Variants in ZNF334 observed in about 807,000 individuals in gnomAD.
ZNF334 encodes zinc finger protein 334.
Under a neutral mutation model 12.4 loss-of-function variants are expected in ZNF334, and 14 were observed. The ratio of observed to expected loss-of-function variants is 1.13; its 90% CI spans 0.74 to 1.76. ZNF334 has a LOEUF of 1.76. Ranked by LOEUF, ZNF334 falls within the 40% of genes most tolerant of loss-of-function variation. ZNF334 has a pLI of 0.00. For synonymous variants in ZNF334, 273 were observed against 269.6 expected (o/e 1.01, Z -0.12); for missense variants, 797 against 804.5 (o/e 0.99, Z 0.11).
chr20:46,464,092 C>A, the ZNF334 span: 1 of 608,134 alleles, frequency 1.6e-6, no homozygotes. Context: ...GAAGTGGTTC[C>A]TTCACTGGGC....
chr20:46,467,875 T>A, the ZNF334 span, among the ~76,000 whole-genome samples: 10 of 152,246 alleles, frequency 6.6e-5, no homozygotes, highest in African/African-American at 2.2e-4. Flanking sequence ...AGTAACAATG[T>A]GTTCATCACA....
At position 46,502,073 on chromosome 20, in the gene ZNF334, C is replaced by T. The variant is rs139527133; in HGVS notation, c.1266G>A (p.Val422=). The change falls in exon 5 of 5, where the codon GTG becomes GTA. Residue 422 remains valine, a synonymous_variant. Coordinates refer to ENST00000692313, the MANE Select transcript of ZNF334 (RefSeq NM_001353824.2). ...TCTCTCCTGTATGACTTCTTCGATG[C>T]ACATTGAGGGCAGATTGACAAAAGA... ...KTFFCQSALN[V]HRRSHTGEKP... 1.2e-6 allele frequency: 2 copies of T among 1,614,150 alleles called. No homozygotes were observed. The highest frequency in any genetic ancestry group is 1.7e-5 in the Admixed American group (1 of 60,022).
Position 46,502,414 on chromosome 20 carries a change from T to C in ZNF334, c.925A>G (p.Ile309Val). 6.2e-7 allele frequency: 1 copy of C among 1,614,148 alleles called. No homozygotes were observed. The highest frequency in any genetic ancestry group is 8.5e-7 in the Non-Finnish European group (1 of 1,180,010). ...RKTFIDKSAL[I>V]VHQKIHGGEK... The stretch of plus-strand genomic sequence containing the variant: ...CCTCCATGAATTTTCTGGTGTACAA[T>C]AAGGGCAGATTTGTCAATGAAGGTT... Residue 309 changes from isoleucine (I) to valine (V), a missense_variant, in exon 5 of 5, where the codon ATT becomes GTT. By Grantham distance (29) the Ile-to-Val change is conservative (BLOSUM62 3). Transcript: ENST00000692313.
At chr20:46,510,757 CA>C (rs11475698) in intron 2 of ZNF334, among the ~76,000 whole-genome samples, 54,464 of 98,504 alleles carry the variant, frequency 0.55, 11,545 homozygotes, top group East Asian at 0.63. Context: ...GAGCCCATTT[CA>C]AAAAAAAAAA....
intron 2 of ZNF334, chr20:46,506,013 G>T (rs1295344410): frequency 4.7e-6 from 1 of 213,042 alleles, no homozygotes; most frequent in Non-Finnish European, 9.2e-6. Flanking sequence ...TATTTCACAT[G>T]ATCAGCTGGG....
the ZNF334 span, among the ~76,000 whole-genome samples, chr20:46,488,758 C>T: frequency 6.8e-6 from 1 of 146,594 alleles, no homozygotes; most frequent in Non-Finnish European, 1.5e-5. Flanking sequence ...TTTTGTTTGT[C>T]TTCATTTTTG....
chr20:46,503,096 G>C lies in ZNF334; in HGVS notation c.243C>G (p.Asp81Glu). The change falls in exon 5 of 5, where the codon GAC (aspartate) becomes GAG (glutamate). Residue 81 changes from aspartate (D) to glutamate (E), a missense_variant and splice_region_variant. Asp to Glu is a conservative substitution (Grantham distance 45). Coordinates refer to ENST00000692313, the MANE Select transcript of ZNF334 (RefSeq NM_001353824.2). ...TGTTCTTCTCTAAGGCATCATCAAT[G>C]TCTAGAAAAAGGAACACAATTAACG... ...VEEFSNQNYPDIDDALEKNKE... is the reference protein window; with the variant it reads ...VEEFSNQNYPEIDDALEKNKE... 6.3e-7 allele frequency: 1 copy of C among 1,585,028 alleles called. No individual in the cohort carries two copies. Among genetic ancestry groups the C allele is most frequent in the Non-Finnish European group, 8.6e-7 (1 of 1,167,650 alleles).
chr20:46,470,077 C>A, the ZNF334 span, among the ~76,000 whole-genome samples: 1 of 152,116 alleles, frequency 6.6e-6, no homozygotes, highest in Non-Finnish European at 1.5e-5. Flanking sequence ...ACAATACCCA[C>A]CTAATAAAAA....
At chr20:46,474,935 G>T in the ZNF334 span, among the ~76,000 whole-genome samples, 1 of 152,122 alleles carries the variant, frequency 6.6e-6, no homozygotes, top group South Asian at 2.1e-4. Flanking sequence ...AAGAGAAGAG[G>T]GGGTGAAGGG....
chr20:46,501,639 G>A lies in ZNF334; in HGVS notation c.1700C>T (p.Thr567Ile). ...ATTACACTCATAGGGTCTCTGTCCT[G>A]TGTGTGTTCTCTGATGGTGAGTCAG... is the stretch of plus-strand genomic sequence containing the variant. ...SALTHHQRTH[T>I]GQRPYECNEC... The change falls in exon 5 of 5, where the codon ACA becomes ATA. Residue 567 changes from threonine (T) to isoleucine (I), a missense_variant. By Grantham distance (89) the Thr-to-Ile change is moderately conservative. Transcript: ENST00000692313. 1 of 1,614,040 alleles carries A rather than the reference G, an allele frequency of 6.2e-7. No individual in the cohort carries two copies. The highest frequency in any genetic ancestry group is 8.5e-7 in the Non-Finnish European group (1 of 1,179,964).
At chr20:46,489,877 C>T in the ZNF334 span, among the ~76,000 whole-genome samples, 1 of 152,102 alleles carries the variant, frequency 6.6e-6, no homozygotes, top group Non-Finnish European at 1.5e-5. Context: ...TGCTGGTTCT[C>T]CATCTTATCA....
intron 2 of ZNF334, among the ~76,000 whole-genome samples, chr20:46,508,158 A>T (rs2061503064): frequency 6.6e-6 from 1 of 152,240 alleles, no homozygotes; most frequent in African/African-American, 2.4e-5. Flanking sequence ...ACTCAGGTCC[A>T]TTCTGCAAGC....
the ZNF334 span, chr20:46,485,462 G>A: frequency 1.3e-5 from 2 of 150,642 alleles, no homozygotes; most frequent in Non-Finnish European, 3.0e-5. Context: ...AGAAAATTCT[G>A]GAGAGAGACT....
chr20:46,496,879 A>G (rs1180600363), downstream of ZNF334: 5 of 152,112 alleles, frequency 3.3e-5, no homozygotes, highest in Non-Finnish European at 1.5e-5. Context: ...AGACAGTAAA[A>G]ACTGCCACAG....
the ZNF334 span, among the ~76,000 whole-genome samples, chr20:46,488,234 G>T: frequency 6.7e-6 from 1 of 148,704 alleles, no homozygotes. Context: ...ACCCTATTTT[G>T]GATTGATTTT....
Position 46,502,183 on chromosome 20 carries a change from AG to A in ZNF334, c.1155del (p.Phe386SerfsTer68), listed in dbSNP as rs750284440. 3 of 1,614,108 alleles carry A rather than the reference AG, an allele frequency of 1.9e-6. No homozygotes were observed. The highest frequency in any genetic ancestry group is 2.5e-6 in the Non-Finnish European group (3 of 1,180,008). On this transcript the variant is annotated frameshift_variant, in exon 5 of 5. Coordinates refer to ENST00000692313, the MANE Select transcript of ZNF334 (RefSeq NM_001353824.2). LOFTEE classifies it low-confidence loss of function (END_TRUNC). The part of the protein sequence containing the change: ...KPNECKECGK[T>X]FFCQSALTAH... Reference sequence around the variant, plus strand: ...GCAGTAAGGGCTGACTGACAGAAGAAGGTTTTCCCACATTCCTTACATTCAT... The same window carrying A: ...GCAGTAAGGGCTGACTGACAGAAGAAGTTTTCCCACATTCCTTACATTCAT...
the ZNF334 span, among the ~76,000 whole-genome samples, chr20:46,479,326 T>C: frequency 1.3e-5 from 2 of 152,126 alleles, no homozygotes; most frequent in South Asian, 2.1e-4. Flanking sequence ...CTCAGGATTC[T>C]GTAAGCCAAA....
At position 46,499,772 on chromosome 20, in the gene ZNF334, C is replaced by T. The variant is rs1282231509; in HGVS notation, c.*1524G>A. On this transcript the variant is annotated 3_prime_UTR_variant, in exon 5 of 5. Transcript: ENST00000692313. ...CAAGATCAGTATACACATACACATA[C>T]ATTTAAACATATGTATATACTTACA... 2 of 152,178 alleles carry T rather than the reference C, an allele frequency of 1.3e-5. No individual in the cohort carries two copies. The highest frequency in any genetic ancestry group is 1.5e-5 in the Non-Finnish European group (1 of 68,028). The allele number at this position is 152,178 out of a possible 1,614,324, so 9.4% of individuals were successfully genotyped here.
chr20:46,492,467 C>T, the ZNF334 span: 1 of 154,080 alleles, frequency 6.5e-6, no homozygotes, highest in Non-Finnish European at 1.5e-5. Context: ...TGGAGAGAAA[C>T]CCTATGAATG....
Sources: gnomAD v4.1 joint callset for allele counts (sites outside exome capture counted in the v4.1 genomes callset) on GRCh38, gnomAD v4.1.1 for gene constraint, MANE v1.5 for transcripts, NCBI Gene and HGNC (gene_info 2026-07-23, HGNC 2026-07-21) for gene names.